TIAM1: variants seen among roughly 807,000 people sequenced by gnomAD.
The protein encoded by TIAM1 is rho guanine nucleotide exchange factor TIAM1.
TIAM1 carries 65 observed loss-of-function variants against 163.5 expected under a neutral mutation model. That is an observed-to-expected ratio of 0.40 (90% CI 0.33 to 0.49). The LOEUF is 0.49. Ranked by LOEUF, TIAM1 falls within the 20% of genes least tolerant of loss-of-function variation. TIAM1 has a pLI of 0.77. For missense variants in TIAM1, 1,789 were observed against 2,044.7 expected, an observed-to-expected ratio of 0.87 and a Z score of 2.41; for synonymous variants, 833 against 810.1, an observed-to-expected ratio of 1.03 and a Z score of -0.48.
At chr21:31,229,701 G>A (rs1244214037) in intron 6 of TIAM1, among the ~76,000 whole-genome samples, 1 of 151,822 alleles carries the variant, frequency 6.6e-6, no homozygotes, top group Non-Finnish European at 1.5e-5. Flanking sequence ...CCAGGCTGGA[G>A]TGCAGTAGCA....
At chr21:31,511,947 C>CA (rs923727230) in intron 1 of TIAM1, among the ~76,000 whole-genome samples, 3 of 152,114 alleles carry the variant, frequency 2.0e-5, no homozygotes, top group Non-Finnish European at 2.9e-5. Flanking sequence ...CAGCCATGGG[C>CA]ACGAAGGAGA....
chr21:31,426,328 C>A (rs1246358425), intron 2 of TIAM1, among the ~76,000 whole-genome samples: 2 of 152,188 alleles, frequency 1.3e-5, no homozygotes, highest in Non-Finnish European at 2.9e-5. Flanking sequence ...AGACTTGGGG[C>A]TCCATGGGAT....
intron 2 of TIAM1, among the ~76,000 whole-genome samples, chr21:31,313,634 G>A (rs2075008293): frequency 2.0e-5 from 3 of 152,118 alleles, no homozygotes. Flanking sequence ...CCATCCAGTG[G>A]CGCAATCTTG....
chr21:31,454,773 CT>C (rs2045025279), intron 2 of TIAM1, among the ~76,000 whole-genome samples: 1 of 152,106 alleles, frequency 6.6e-6, no homozygotes, highest in African/African-American at 2.4e-5. Flanking sequence ...TAGAATGAAC[CT>C]TGTGGAGCTG....
At chr21:31,240,486 G>A (rs75932647) in intron 6 of TIAM1, among the ~76,000 whole-genome samples, 3,486 of 152,152 alleles carry the variant, frequency 0.023, 141 homozygotes, top group African/African-American at 0.079. Flanking sequence ...ACCACAGGAG[G>A]GAACAACCTT....
intron 11 of TIAM1, among the ~76,000 whole-genome samples, chr21:31,207,027 T>C (rs1211541558): frequency 3.3e-5 from 5 of 152,148 alleles, no homozygotes; most frequent in African/African-American, 1.2e-4. Context: ...TAAACGCCAA[T>C]GGTTATAGCA....
chr21:31,307,426 T>A (rs1299580440), intron 2 of TIAM1, among the ~76,000 whole-genome samples: 1 of 152,102 alleles, frequency 6.6e-6, no homozygotes, highest in South Asian at 2.1e-4. Flanking sequence ...CAGGACACCA[T>A]CCAGAACACG....
chr21:31,417,312 G>A (rs1341441640), intron 2 of TIAM1, among the ~76,000 whole-genome samples: 2 of 152,198 alleles, frequency 1.3e-5, no homozygotes, highest in Non-Finnish European at 2.9e-5. Flanking sequence ...GTGAGCCACT[G>A]TGCCTGGCCA....
chr21:31,182,310 A>G (rs1372599406), intron 15 of TIAM1, 111 bp downstream of exon 15: 1 of 911,532 alleles, frequency 1.1e-6, no homozygotes, highest in East Asian at 2.9e-5. Context: ...CACATTTTAT[A>G]CCACCTGCCA....
At chr21:31,202,619 A>G (rs570644508) in intron 12 of TIAM1, among the ~76,000 whole-genome samples, 4 of 152,308 alleles carry the variant, frequency 2.6e-5, no homozygotes, top group African/African-American at 9.6e-5. Flanking sequence ...AAGATTGCCA[A>G]TGCAAGGAAA....
intron 2 of TIAM1, among the ~76,000 whole-genome samples, chr21:31,382,803 C>T (rs931325777): frequency 8.5e-5 from 13 of 152,174 alleles, no homozygotes; most frequent in Admixed American, 5.2e-4. Context: ...TAGTGTGAAA[C>T]AACGACCCAT....
At chr21:31,265,201 CTTTTTTTTTTT>C (rs781091105) in intron 4 of TIAM1, among the ~76,000 whole-genome samples, 1 of 109,992 alleles carries the variant, frequency 9.1e-6, no homozygotes, top group African/African-American at 3.3e-5. Context: ...CTTTCAAAAT[CTTTTTTTTTTT>C]TTTTTTTTTT....
rs1421596289 is a variant in TIAM1 at position 31,131,051 on chromosome 21, G to A, written c.3884-103C>T. 24 of 910,558 alleles carry A rather than the reference G, an allele frequency of 2.6e-5. 1 individual carries two copies. The South Asian group carries it at 3.0e-4, about 11-fold the overall frequency. 56.4% of individuals were successfully genotyped at this position (910,558 alleles called of 1,614,324 possible). ...TAAACACTACAGTTATGAAGAGGAC[G>A]TTGAGATCCCAGTTAACTGACTCCC... On this transcript the variant is annotated intron_variant, in intron 23 of 27. Transcript: ENST00000541036.
intron 12 of TIAM1, among the ~76,000 whole-genome samples, chr21:31,196,524 T>C (rs2085869597): frequency 6.6e-6 from 1 of 150,740 alleles, no homozygotes; most frequent in African/African-American, 2.5e-5. Context: ...TTTTGCCATG[T>C]TGGACAGGCT....
Position 31,120,838 on chromosome 21 carries a change from C to A in TIAM1, c.4307-1G>T, listed in dbSNP as rs2081975825. ...CCAAGAGACTTGCTTGGGGCAGACACTGCACACACACACAAAAATATAAAA... is the reference window on the plus strand; with the variant it reads ...CCAAGAGACTTGCTTGGGGCAGACAATGCACACACACACAAAAATATAAAA... On this transcript the variant is annotated splice_acceptor_variant, in intron 27 of 27. Coordinates refer to ENST00000541036, the MANE Select transcript of TIAM1 (RefSeq NM_001353694.2). LOFTEE classifies it high-confidence loss of function. The surrounding 1 kb of genome is among the most constrained non-coding windows in gnomAD (Gnocchi z 4.2). 1.3e-6 allele frequency: 2 copies of A among 1,595,132 alleles called. No homozygotes were observed. Among genetic ancestry groups the A allele is most frequent in the Non-Finnish European group, 1.7e-6 (2 of 1,171,252 alleles).
intron 1 of TIAM1, among the ~76,000 whole-genome samples, chr21:31,483,648 A>C (rs2046183820): frequency 6.6e-6 from 1 of 152,072 alleles, no homozygotes; most frequent in Admixed American, 6.6e-5. Flanking sequence ...ATACCTACAA[A>C]ATCAAGAAAA....
At position 31,547,654 on chromosome 21, in the gene TIAM1, C is replaced by G. The variant is rs895669749; in HGVS notation, c.-422+11273G>C. Among the ~76,000 whole-genome samples, 72 of 152,180 alleles carry G rather than the reference C, an allele frequency of 4.7e-4. 1 individual carries two copies. The highest frequency in any genetic ancestry group is 1.6e-3 in the African/African-American group (66 of 41,428). On this transcript the variant is annotated intron_variant, in intron 1 of 28. Coordinates refer to the TIAM1 transcript ENST00000286827. ...TATAATTGTGGCACTGAAATTGTAA[C>G]TTCTAATCACAGAGATTTCAAGATG...
chr21:31,130,075 G>C, intron 25 of TIAM1, 138 bp downstream of exon 25: 1 of 643,634 alleles, frequency 1.6e-6, no homozygotes, highest in Non-Finnish European at 2.7e-6. Flanking sequence ...GAGACCGAGA[G>C]ACAAGAGAGT....
At chr21:31,532,141 C>G (rs1724372833) in intron 1 of TIAM1, among the ~76,000 whole-genome samples, 1 of 152,056 alleles carries the variant, frequency 6.6e-6, no homozygotes. Context: ...AAACCAACAG[C>G]AAGCAATGCA....
Sources: gnomAD v4.1 joint callset for allele counts (sites outside exome capture counted in the v4.1 genomes callset) on GRCh38, gnomAD v4.1.1 for gene constraint, Gnocchi (gnomAD v3.1) non-coding constraint, MANE v1.5 for transcripts, NCBI Gene and HGNC (gene_info 2026-07-23, HGNC 2026-07-21) for gene names.